LIFR: variants seen among roughly 807,000 people sequenced by gnomAD.
LIFR encodes leukemia inhibitory factor receptor.
A neutral mutation model predicts 122.2 loss-of-function variants in LIFR; 84 were observed. The observed-to-expected ratio is 0.69, with a 90% CI of 0.58 to 0.82. LIFR has a LOEUF of 0.82. Among genes scored for constraint, LIFR ranks in the 40% least tolerant of loss-of-function variants. The probability of loss-of-function intolerance (pLI) is 0.00; values close to 1 mark genes in which losing one functional copy is unlikely to be tolerated. For synonymous variants in LIFR, 422 were observed against 434.7 expected, an observed-to-expected ratio of 0.97 and a Z score of 0.36; for missense variants, 1,294 against 1,311.6, an observed-to-expected ratio of 0.99 and a Z score of 0.21.
intron 7 of LIFR, among the ~76,000 whole-genome samples, chr5:38,507,854 G>C (rs1331002687): frequency 3.3e-5 from 5 of 151,806 alleles, no homozygotes; most frequent in African/African-American, 1.2e-4. Flanking sequence ...CAGAGATAAG[G>C]ATAACATCCT....
chr5:38,509,573 G>A (rs959414119), intron 7 of LIFR, among the ~76,000 whole-genome samples: 1 of 152,060 alleles, frequency 6.6e-6, no homozygotes, highest in African/African-American at 2.4e-5. Flanking sequence ...TAAAAAGAAA[G>A]AAAGAAAAAG....
upstream of LIFR, among the ~76,000 whole-genome samples, chr5:38,598,229 TTTTATTTATTTATTTA>T (rs1335343474): frequency 4.5e-5 from 2 of 44,436 alleles, 1 homozygote; most frequent in Non-Finnish European, 7.9e-5. Context: ...TTTTTTTTTT[TTTTATTTATTTATTTA>T]TTTTTTTTTT....
At chr5:38,548,391 C>T (rs1748012312) in intron 1 of LIFR, among the ~76,000 whole-genome samples, 1 of 152,132 alleles carries the variant, frequency 6.6e-6, no homozygotes, top group Non-Finnish European at 1.5e-5. Flanking sequence ...TAAGATGTAA[C>T]ATCACAACAA....
At chr5:38,522,529 A>G (rs1325312479) in intron 5 of LIFR, among the ~76,000 whole-genome samples, 2 of 152,120 alleles carry the variant, frequency 1.3e-5, no homozygotes, top group Admixed American at 1.3e-4. Context: ...TATCTTTTCT[A>G]TATTTAGATA....
At chr5:38,539,151 C>T (rs989281406) in intron 1 of LIFR, among the ~76,000 whole-genome samples, 3 of 152,012 alleles carry the variant, frequency 2.0e-5, no homozygotes, top group African/African-American at 4.8e-5. Flanking sequence ...TTAGGAGAGA[C>T]GGGGTTTCAC....
At chr5:38,572,631 G>C (rs937080140) in intron 1 of LIFR, among the ~76,000 whole-genome samples, 4 of 152,148 alleles carry the variant, frequency 2.6e-5, no homozygotes, top group African/African-American at 7.2e-5. Flanking sequence ...GGGCCTGAAG[G>C]GGGGTCAGAA....
At chr5:38,558,600 A>G (rs1561209417), upstream of LIFR, 1 of 152,166 alleles carries the variant, frequency 6.6e-6, no homozygotes, top group Non-Finnish European at 1.5e-5. Context: ...GCTATAAAGA[A>G]CTGCGCGAGA....
intron 2 of LIFR, among the ~76,000 whole-genome samples, chr5:38,529,875 T>A (rs1746908483): frequency 6.6e-6 from 1 of 152,142 alleles, no homozygotes; most frequent in South Asian, 2.1e-4. Flanking sequence ...ATCATAATAA[T>A]AAAGTAATTT....
rs1214712423 is a variant in LIFR, at chr5:38,478,749, T to C, written c.*2846A>G. The C allele has an allele frequency of 4.6e-6, 1 of 216,652 alleles. No homozygotes were observed. Among genetic ancestry groups the C allele is most frequent in the African/African-American group, 2.3e-5 (1 of 44,424 alleles). 13.4% of individuals were successfully genotyped at this position (216,652 alleles called of 1,614,324 possible). ...TTGACTTGTAAGAGAGGTAAAAATG[T>C]GTCTTACATGAATTACTATCCCACA... On this transcript the variant is annotated 3_prime_UTR_variant, in exon 20 of 20. Coordinates refer to ENST00000453190, the MANE Select transcript of LIFR (RefSeq NM_001127671.2).
At chr5:38,548,136 T>C (rs1055180243) in intron 1 of LIFR, among the ~76,000 whole-genome samples, 1 of 151,944 alleles carries the variant, frequency 6.6e-6, no homozygotes, top group African/African-American at 2.4e-5. Context: ...GAGGAGCTCA[T>C]TTTCAATAAT....
At chr5:38,590,864 C>G (rs935533388) in intron 1 of LIFR, among the ~76,000 whole-genome samples, 20 of 152,216 alleles carry the variant, frequency 1.3e-4, no homozygotes, top group African/African-American at 4.6e-4. Context: ...ATGACTTACA[C>G]ATTTCATTCA....
intron 1 of LIFR, among the ~76,000 whole-genome samples, chr5:38,536,220 A>G (rs1474590894): frequency 6.6e-6 from 1 of 152,232 alleles, no homozygotes; most frequent in African/African-American, 2.4e-5. Flanking sequence ...AGGTTTTTTA[A>G]GAATGAAATA....
Position 38,544,282 on chromosome 5 carries a change from A to C in LIFR, c.-20+12052T>G, listed in dbSNP as rs574343419. Among the ~76,000 whole-genome samples, 4 of 152,234 alleles carry C rather than the reference A, an allele frequency of 2.6e-5. No individual in the cohort carries two copies. In the South Asian group the frequency reaches 6.2e-4, roughly 24 times the overall value. On this transcript the variant is annotated intron_variant, in intron 1 of 19. Coordinates refer to ENST00000453190, the MANE Select transcript of LIFR (RefSeq NM_001127671.2). Reference sequence around the variant, plus strand: ...ATCAGATCATGTCACTCCCCAGTTTAAAACCGTCTAGTGGATTCTCCTTAT... The same window carrying C: ...ATCAGATCATGTCACTCCCCAGTTTCAAACCGTCTAGTGGATTCTCCTTAT...
intron 1 of LIFR, among the ~76,000 whole-genome samples, chr5:38,537,262 CA>C (rs1273849721): frequency 6.6e-5 from 10 of 152,200 alleles, no homozygotes; most frequent in Admixed American, 5.2e-4. Flanking sequence ...CATACCGCAG[CA>C]GCTCCCCAAA....
chr5:38,476,833 T>C lies in LIFR; in HGVS notation c.*4762A>G, dbSNP rs934337053. The C allele has an allele frequency of 4.7e-6, 1 of 212,778 alleles. No homozygotes were observed. The highest frequency in any genetic ancestry group is 9.5e-6 in the Non-Finnish European group (1 of 105,264). 13.2% of individuals were successfully genotyped at this position (212,778 alleles called of 1,614,324 possible). The stretch of plus-strand genomic sequence containing the variant: ...ACAACTTTTAATTCTCATGAAAATG[T>C]TGCACAGTTAGAATTTGTCTTGCAT... On this transcript the variant is annotated 3_prime_UTR_variant, in exon 20 of 20. Transcript: ENST00000453190.
At chr5:38,523,702 C>G in intron 4 of LIFR, 120 bp from the exon 5 acceptor site, 5 of 853,458 alleles carry the variant, frequency 5.9e-6, no homozygotes, top group Non-Finnish European at 7.5e-6. Context: ...AATCAATAAT[C>G]AAGATTTAAA....
chr5:38,495,537 C>G (rs1744832288), intron 13 of LIFR, among the ~76,000 whole-genome samples: 2 of 152,144 alleles, frequency 1.3e-5, no homozygotes, highest in Admixed American at 1.3e-4. Context: ...TCAAAGAGAA[C>G]AAAGATGCAG....
At chr5:38,506,381 C>G in intron 8 of LIFR, 122 bp downstream of exon 8, 1 of 1,137,810 alleles carries the variant, frequency 8.8e-7, no homozygotes, top group Admixed American at 1.7e-5. Context: ...TAATTTTATA[C>G]AGCATATTTG....
At chr5:38,565,621 CT>C (rs1362566162) in intron 1 of LIFR, among the ~76,000 whole-genome samples, 1 of 143,022 alleles carries the variant, frequency 7.0e-6, no homozygotes, top group Non-Finnish European at 1.5e-5. Context: ...GAGTTTCGCT[CT>C]TGTTGCCCAG....
Sources: allele counts gnomAD v4.1 joint callset (sites outside exome capture counted in the v4.1 genomes callset), GRCh38; gene constraint gnomAD v4.1.1; transcripts MANE v1.5; gene names NCBI Gene and HGNC (gene_info 2026-07-23, HGNC 2026-07-21).